Variants in ACTR10 observed in about 807,000 individuals in gnomAD.
ACTR10 encodes actin-related protein 10.
In ACTR10, 43 loss-of-function variants were observed where a neutral mutation model predicts 56.2. The ratio of observed to expected loss-of-function variants is 0.77; its 90% CI spans 0.60 to 0.99. ACTR10 has a LOEUF of 0.99. Ranked by LOEUF, ACTR10 falls within the 50% of genes least tolerant of loss-of-function variation. ACTR10 has a pLI of 0.00. For synonymous variants in ACTR10, 170 were observed against 176.3 expected (o/e 0.96, Z 0.28); for missense variants, 466 against 507.8 (o/e 0.92, Z 0.79).
Position 58,223,844 on chromosome 14 carries a change from T to G in ACTR10, c.776T>G (p.Leu259Arg). ...PLDGEKILHI[L>R]GSIRDSVVEI... ...GATGGAGAGAAGATTTTACATATCCTTGGATCAATCAGGTTAGATCTTAAA... is the reference window on the plus strand; with the variant it reads ...GATGGAGAGAAGATTTTACATATCCGTGGATCAATCAGGTTAGATCTTAAA... Residue 259 changes from leucine to arginine, a missense_variant, in exon 10 of 13, where the codon CTT (leucine) becomes CGT (arginine). Physicochemically the swap from Leu to Arg is moderately radical, Grantham distance 102. Transcript: ENST00000254286. 1 of 1,612,106 alleles carries G rather than the reference T, an allele frequency of 6.2e-7. No individual in the cohort carries two copies. The highest frequency in any genetic ancestry group is 8.5e-7 in the Non-Finnish European group (1 of 1,178,674).
At chr14:58,204,711 C>T (rs187837704) in intron 2 of ACTR10, among the ~76,000 whole-genome samples, 6 of 152,172 alleles carry the variant, frequency 3.9e-5, no homozygotes, top group African/African-American at 7.2e-5. Context: ...CTCTGAGGCA[C>T]GAATTGCTGG....
intron 12 of ACTR10, among the ~76,000 whole-genome samples, chr14:58,233,272 C>G (rs537184486): frequency 9.9e-5 from 15 of 152,230 alleles, no homozygotes; most frequent in Non-Finnish European, 1.8e-4. Flanking sequence ...TGACTGAGTT[C>G]ATTAAATGTT....
At chr14:58,201,348 GAT>G (rs1888699600) in intron 1 of ACTR10, among the ~76,000 whole-genome samples, 1 of 152,134 alleles carries the variant, frequency 6.6e-6, no homozygotes. Context: ...TCTAGTCAAA[GAT>G]AATTATTTTG....
chr14:58,228,681 CTTTTTTTTTTTTTTTTTTTTTTT>C (rs35498207), intron 10 of ACTR10, among the ~76,000 whole-genome samples: 9 of 40,792 alleles, frequency 2.2e-4, no homozygotes, highest in East Asian at 9.7e-4. Flanking sequence ...GCAAGACAGA[CTTTTTTTTTTTTTTTTTTTTTTT>C]TTTTTTTTTT....
chr14:58,227,288 T>C (rs1458363458), intron 10 of ACTR10, among the ~76,000 whole-genome samples: 1 of 152,152 alleles, frequency 6.6e-6, no homozygotes, highest in Non-Finnish European at 1.5e-5. Flanking sequence ...CCCAGCATTT[T>C]GGTAGGCCAA....
intron 5 of ACTR10, chr14:58,213,032 C>T (rs1208989899): frequency 1.3e-5 from 2 of 152,306 alleles, no homozygotes; most frequent in African/African-American, 4.8e-5. Flanking sequence ...GCACAAGAAT[C>T]ACTTGAACCT....
At chr14:58,227,521 A>T (rs1889432614) in intron 10 of ACTR10, among the ~76,000 whole-genome samples, 2 of 152,250 alleles carry the variant, frequency 1.3e-5, no homozygotes, top group African/African-American at 4.8e-5. Flanking sequence ...TTCACTGGTT[A>T]AGTAATAATT....
chr14:58,200,682 A>G (rs1286081959), intron 1 of ACTR10, among the ~76,000 whole-genome samples: 1 of 152,260 alleles, frequency 6.6e-6, no homozygotes, highest in Non-Finnish European at 1.5e-5. Flanking sequence ...GAATTTCATC[A>G]TAAAATATTG....
chr14:58,212,131 G>A (rs1889016147), intron 5 of ACTR10, among the ~76,000 whole-genome samples: 1 of 152,076 alleles, frequency 6.6e-6, no homozygotes, highest in African/African-American at 2.4e-5. Context: ...TCGGGCCTCA[G>A]TTTCTTTATC....
intron 6 of ACTR10, among the ~76,000 whole-genome samples, 193 bp downstream of exon 6, chr14:58,213,891 G>T (rs1889063955): frequency 6.6e-6 from 1 of 152,032 alleles, no homozygotes; most frequent in African/African-American, 2.4e-5. Flanking sequence ...ATTTTTGGGG[G>T]TACATAGTAG....
intron 8 of ACTR10, among the ~76,000 whole-genome samples, chr14:58,223,095 T>C (rs963999108): frequency 6.6e-6 from 1 of 152,130 alleles, no homozygotes; most frequent in African/African-American, 2.4e-5. Context: ...TATGACACCT[T>C]AGTCAATGAA....
chr14:58,206,824 A>G (rs1157821936), intron 2 of ACTR10, among the ~76,000 whole-genome samples: 2 of 152,160 alleles, frequency 1.3e-5, no homozygotes, highest in African/African-American at 4.8e-5. Context: ...GTATTATTTG[A>G]AGAAAGATAT....
At chr14:58,222,238 A>C (rs1177607250) in intron 8 of ACTR10, among the ~76,000 whole-genome samples, 2 of 152,124 alleles carry the variant, frequency 1.3e-5, no homozygotes, top group Non-Finnish European at 2.9e-5. Context: ...ATTTAACATC[A>C]ATTTTGTCTC....
intron 3 of ACTR10, 149 bp downstream of exon 3, chr14:58,208,167 A>C: frequency 1.7e-6 from 1 of 600,376 alleles, no homozygotes; most frequent in Admixed American, 4.5e-5. Context: ...CCTTTTCAAA[A>C]ATATATTTGA....
chr14:58,221,566 C>G (rs1889270353), intron 8 of ACTR10, among the ~76,000 whole-genome samples: 1 of 152,034 alleles, frequency 6.6e-6, no homozygotes, highest in Non-Finnish European at 1.5e-5. Flanking sequence ...GACCACTGCA[C>G]TCTAGCTTGG....
Position 58,208,010 on chromosome 14 carries a change from A to G in ACTR10, c.225A>G (p.Leu75=), listed in dbSNP as rs756178231. Residue 75 remains leucine, a synonymous_variant, in exon 3 of 13, where the codon CTA becomes CTG. Coordinates refer to ENST00000254286, the MANE Select transcript of ACTR10 (RefSeq NM_018477.3). Reference sequence around the variant, plus strand: ...ACCTAAAGGAATTCATCCACATACTATATTTCAGGTAAGATACATTTTGTT... The same window carrying G: ...ACCTAAAGGAATTCATCCACATACTGTATTTCAGGTAAGATACATTTTGTT... ...YSYLKEFIHI[L]YFRHLLVNPR... 15 of 1,508,090 alleles carry G rather than the reference A, an allele frequency of 9.9e-6. No homozygotes were observed. The highest frequency in any genetic ancestry group is 5.1e-5 in the Admixed American group (2 of 38,996). 93.4% of individuals were successfully genotyped at this position (1,508,090 alleles called of 1,614,324 possible).
At position 58,219,678 on chromosome 14, in the gene ACTR10, GA is replaced by G; in HGVS notation, c.599-13del. 2 of 1,442,406 alleles carry G rather than the reference GA, an allele frequency of 1.4e-6. No individual in the cohort carries two copies. Among genetic ancestry groups the G allele is most frequent in the Non-Finnish European group, 1.9e-6 (2 of 1,079,590 alleles). The allele number at this position is 1,442,406 out of a possible 1,614,324, so 89.4% of individuals were successfully genotyped here. A position where few individuals can be genotyped will look rare whatever the true frequency, so the allele number is the denominator to read the frequency against. On this transcript the variant is annotated splice_polypyrimidine_tract_variant and intron_variant, in intron 7 of 12. Coordinates refer to ENST00000254286, the MANE Select transcript of ACTR10 (RefSeq NM_018477.3). ...TTATTAAAGTTTTATAATTCTAAAT[GA>G]AATATTTGTTTTAGGTTCAGTTCCG...
chr14:58,223,438 A>G (rs1448124866), intron 8 of ACTR10, 184 bp from the exon 9 acceptor site: 1 of 607,324 alleles, frequency 1.6e-6, no homozygotes. Context: ...GCACCTGGCC[A>G]AAACAGGTTT....
In ACTR10 at chr14:58,202,919, A is replaced by C. The variant is rs117148720; in HGVS notation, c.142A>C (p.Met48Leu). 9.1e-4 allele frequency: 1,438 copies of C among 1,587,482 alleles called. 1 individual carries two copies. Among genetic ancestry groups the C allele is most frequent in the Non-Finnish European group, 1.1e-3 (1,251 of 1,164,470 alleles). The change falls in exon 2 of 13, where the codon ATG becomes CTG. Residue 48 changes from methionine (M) to leucine (L), a missense_variant. Transcript: ENST00000254286. ...TCCTAGTGTGATAAAAAGAGCTGGGATGCCTAAGGTATTTAAAAAAAAATA... is the reference window on the plus strand; with the variant it reads ...TCCTAGTGTGATAAAAAGAGCTGGGCTGCCTAAGGTATTTAAAAAAAAATA... ...IIPSVIKRAG[M>L]PKPVRVVQYN...
Sources: gnomAD v4.1 joint callset for allele counts (sites outside exome capture counted in the v4.1 genomes callset) on GRCh38, gnomAD v4.1.1 for gene constraint, MANE v1.5 for transcripts, NCBI Gene and HGNC (gene_info 2026-07-23, HGNC 2026-07-21) for gene names.